TCF7L1: variants seen among roughly 807,000 people sequenced by gnomAD.
The protein encoded by TCF7L1 is transcription factor 7-like 1.
A neutral mutation model predicts 63.7 loss-of-function variants in TCF7L1; 18 were observed. That is an observed-to-expected ratio of 0.28 (90% confidence interval 0.20 to 0.42). The LOEUF is 0.42. Ranked by LOEUF, TCF7L1 falls within the 10% of genes least tolerant of loss-of-function variation. The pLI, the probability that TCF7L1 is intolerant of heterozygous loss-of-function variation, is 1.00. For missense variants in TCF7L1, 654 were observed against 779.3 expected (o/e 0.84, Z 1.91); for synonymous variants, 355 against 340.9 (o/e 1.04, Z -0.46).
intron 3 of TCF7L1, among the ~76,000 whole-genome samples, chr2:85,155,140 T>C: frequency 6.6e-6 from 1 of 152,124 alleles, no homozygotes; most frequent in Non-Finnish European, 1.5e-5. Flanking sequence ...AAGTAGCATC[T>C]CATGGTGAGA....
At chr2:85,227,521 C>A (rs1227854738) in intron 3 of TCF7L1, among the ~76,000 whole-genome samples, 2 of 147,934 alleles carry the variant, frequency 1.4e-5, no homozygotes, top group African/African-American at 5.0e-5. Context: ...TTAATAATAA[C>A]AAAAAGGGTG....
intron 3 of TCF7L1, among the ~76,000 whole-genome samples, chr2:85,155,310 G>A (rs1236482443): frequency 6.6e-6 from 1 of 152,196 alleles, no homozygotes; most frequent in Non-Finnish European, 1.5e-5. Flanking sequence ...GACAAATAAG[G>A]GAATAAAAGC....
intron 3 of TCF7L1, among the ~76,000 whole-genome samples, chr2:85,172,645 C>T (rs572634339): frequency 2.6e-5 from 4 of 152,092 alleles, no homozygotes; most frequent in South Asian, 4.1e-4. Context: ...AGGCTGGTCT[C>T]GAACTCCTGA....
chr2:85,227,409 GA>G (rs1679983012), intron 3 of TCF7L1, among the ~76,000 whole-genome samples: 1 of 151,264 alleles, frequency 6.6e-6, no homozygotes, highest in African/African-American at 2.4e-5. Flanking sequence ...ACTTGGTGGG[GA>G]AAAGGGACTG....
intron 3 of TCF7L1, among the ~76,000 whole-genome samples, chr2:85,137,888 G>A (rs1677631262): frequency 1.4e-5 from 2 of 139,372 alleles, no homozygotes; most frequent in Non-Finnish European, 1.5e-5. Flanking sequence ...GTGAGACTCT[G>A]CCTCAAAAAA....
At chr2:85,211,048 G>C (rs990856990) in intron 3 of TCF7L1, among the ~76,000 whole-genome samples, 1 of 152,206 alleles carries the variant, frequency 6.6e-6, no homozygotes, top group Admixed American at 6.5e-5. Context: ...ACACAGTAGA[G>C]ATTCAGTACG....
rs777983499 is a variant in TCF7L1, at chr2:85,309,054, G to A, written c.1359G>A (p.Lys453=). The change falls in exon 12 of 12, where the codon AAG becomes AAA. Residue 453 remains lysine (K), a synonymous_variant. Transcript: ENST00000282111. Reference sequence around the variant, plus strand: ...GTGCCCTGGCCTCCAAGAGCAAGAAGCCATGTGTTCAGTACCTGCCCCCCG... The same window carrying A: ...GTGCCCTGGCCTCCAAGAGCAAGAAACCATGTGTTCAGTACCTGCCCCCCG... ...AEGALASKSK[K]PCVQYLPPEK... 1.4e-5 allele frequency: 22 copies of A among 1,601,256 alleles called. No homozygotes were observed. The highest frequency in any genetic ancestry group is 1.7e-5 in the Admixed American group (1 of 57,926).
At chr2:85,304,802 C>T (rs1304264209) in intron 7 of TCF7L1, among the ~76,000 whole-genome samples, 2 of 152,154 alleles carry the variant, frequency 1.3e-5, no homozygotes, top group African/African-American at 4.8e-5. Context: ...TCCTAAGTCA[C>T]GGACTGTCTG....
chr2:85,294,026 ATTTTTTTT>A (rs774050758), intron 4 of TCF7L1, among the ~76,000 whole-genome samples: 27 of 59,484 alleles, frequency 4.5e-4, no homozygotes, highest in African/African-American at 1.7e-3. Flanking sequence ...GAACACTGGG[ATTTTTTTT>A]TTTTTTTTTT....
chr2:85,162,188 T>G (rs1401395825), intron 3 of TCF7L1, among the ~76,000 whole-genome samples: 1 of 151,980 alleles, frequency 6.6e-6, no homozygotes, highest in Non-Finnish European at 1.5e-5. Context: ...TGAAGTATGA[T>G]TACGCCACTG....
chr2:85,277,923 G>T (rs1260530795), intron 3 of TCF7L1, among the ~76,000 whole-genome samples: 5 of 152,180 alleles, frequency 3.3e-5, no homozygotes, highest in Non-Finnish European at 5.9e-5. Flanking sequence ...ACAGGGTGAG[G>T]ACGGCTGGGG....
At chr2:85,238,396 C>T (rs1558642699) in intron 3 of TCF7L1, among the ~76,000 whole-genome samples, 5 of 152,148 alleles carry the variant, frequency 3.3e-5, no homozygotes. Flanking sequence ...CCTTCAGCTG[C>T]CTTATCTGCA....
chr2:85,179,780 A>T (rs908370081), intron 3 of TCF7L1, among the ~76,000 whole-genome samples: 2 of 152,202 alleles, frequency 1.3e-5, no homozygotes, highest in African/African-American at 4.8e-5. Flanking sequence ...AAGGAATTTG[A>T]TGAGCTAAGC....
At chr2:85,157,712 A>G (rs145978689) in intron 3 of TCF7L1, among the ~76,000 whole-genome samples, 2 of 152,198 alleles carry the variant, frequency 1.3e-5, no homozygotes, top group Admixed American at 6.5e-5. Flanking sequence ...TATTGAACCC[A>G]TGGGGTTTTC....
intron 4 of TCF7L1, among the ~76,000 whole-genome samples, chr2:85,287,690 A>T (rs1245227870): frequency 6.6e-6 from 1 of 152,222 alleles, no homozygotes; most frequent in Non-Finnish European, 1.5e-5. Flanking sequence ...CATTTATGGG[A>T]GAAAATCTTA....
intron 3 of TCF7L1, among the ~76,000 whole-genome samples, chr2:85,144,913 G>A (rs113195459): frequency 3.0e-4 from 45 of 151,704 alleles, no homozygotes; most frequent in African/African-American, 9.7e-4. Flanking sequence ...GTGAAACCCC[G>A]TCTCTACTAA....
chr2:85,216,908 G>A (rs1679724533), intron 3 of TCF7L1: 1 of 152,242 alleles, frequency 6.6e-6, no homozygotes, highest in East Asian at 1.9e-4. Flanking sequence ...TCTGAGCCTT[G>A]CAGGAGACCG....
intron 3 of TCF7L1, among the ~76,000 whole-genome samples, chr2:85,254,348 C>T (rs954989170): frequency 1.3e-5 from 2 of 152,264 alleles, no homozygotes; most frequent in African/African-American, 4.8e-5. Flanking sequence ...TTTATTGCTT[C>T]TGAACTTCAC....
chr2:85,199,337 A>G (rs1013133417), intron 3 of TCF7L1, among the ~76,000 whole-genome samples: 1 of 152,238 alleles, frequency 6.6e-6, no homozygotes, highest in Non-Finnish European at 1.5e-5. Context: ...AAGAGACAAT[A>G]AAATAAAATC....
Sources: allele counts gnomAD v4.1 joint callset (sites outside exome capture counted in the v4.1 genomes callset), GRCh38; gene constraint gnomAD v4.1.1; transcripts MANE v1.5; gene names NCBI Gene and HGNC (gene_info 2026-07-23, HGNC 2026-07-21).